The following CMC2 variants were observed in gnomAD, a reference collection of about 807,000 sequenced individuals.
CMC2 encodes COX assembly mitochondrial protein 2 homolog.
In CMC2, 5 loss-of-function variants were observed where a neutral mutation model predicts 7.5. That is an observed-to-expected ratio of 0.66 (90% CI 0.35 to 1.40). CMC2 has a LOEUF of 1.40. CMC2 is among the 40% of genes most tolerant of loss of function. The pLI, the probability that CMC2 is intolerant of heterozygous loss-of-function variation, is 0.04. For missense variants in CMC2, 115 were observed against 92.3 expected (o/e 1.25, Z -1.01); for synonymous variants, 37 against 31.4 (o/e 1.18, Z -0.60).
intron 1 of CMC2, among the ~76,000 whole-genome samples, chr16:81,005,779 T>C (rs1266134051): frequency 2.6e-5 from 4 of 152,198 alleles, no homozygotes; most frequent in African/African-American, 9.7e-5. Context: ...TTACCAGGAC[T>C]TACAAGGTGC....
In CMC2 at chr16:80,971,945, T is replaced by C. The variant is rs969560438; in HGVS notation, c.*4148A>G. On this transcript the variant is annotated 3_prime_UTR_variant, in exon 4 of 4. Coordinates refer to ENST00000219400, the MANE Select transcript of CMC2 (RefSeq NM_020188.5). ...GTATACACTCAGCCAGTTTCTTTTC[T>C]CTAAGTGAGAGAAACTCAGCCACCT... is the stretch of plus-strand genomic sequence containing the variant. 2 of 152,220 alleles carry C rather than the reference T, an allele frequency of 1.3e-5. No individual in the cohort carries two copies. The highest frequency in any genetic ancestry group is 4.8e-5 in the African/African-American group (2 of 41,446). 9.4% of individuals were successfully genotyped at this position (152,220 alleles called of 1,614,324 possible).
At chr16:80,989,526 G>T (rs182032243) in intron 2 of CMC2, among the ~76,000 whole-genome samples, 1 of 152,278 alleles carries the variant, frequency 6.6e-6, no homozygotes, top group South Asian at 2.1e-4. Context: ...AGATGTTGCA[G>T]GTTCTTCTTG....
intron 2 of CMC2, among the ~76,000 whole-genome samples, chr16:80,988,910 G>C (rs1197631701): frequency 6.6e-6 from 1 of 151,980 alleles, no homozygotes; most frequent in Non-Finnish European, 1.5e-5. Context: ...AAAGAGTACA[G>C]GCCAGTTATT....
chr16:80,995,907 T>C (rs1247308737), intron 2 of CMC2, among the ~76,000 whole-genome samples: 11 of 152,102 alleles, frequency 7.2e-5, no homozygotes, highest in Admixed American at 7.2e-4. Context: ...TGCATTTCCT[T>C]ACATGTAAAT....
At chr16:80,977,781 G>A (rs1223132443) in intron 3 of CMC2, among the ~76,000 whole-genome samples, 1 of 152,132 alleles carries the variant, frequency 6.6e-6, no homozygotes, top group Non-Finnish European at 1.5e-5. Context: ...TTGTCAAAAG[G>A]CTACTTCAGG....
intron 1 of CMC2, among the ~76,000 whole-genome samples, chr16:81,004,884 C>A (rs1320706257): frequency 1.3e-5 from 2 of 152,152 alleles, no homozygotes; most frequent in Non-Finnish European, 2.9e-5. Flanking sequence ...ATAAAGAAAA[C>A]GGGTAAGCAT....
chr16:80,996,944 C>A (rs34075739), intron 2 of CMC2: 1 of 423,658 alleles, frequency 2.4e-6, no homozygotes, highest in Admixed American at 3.1e-5. Context: ...GAATGGTAGC[C>A]ATCAAAGAGC....
At chr16:80,991,456 GA>G (rs1426406923) in intron 2 of CMC2, among the ~76,000 whole-genome samples, 1 of 152,068 alleles carries the variant, frequency 6.6e-6, no homozygotes, top group African/African-American at 2.4e-5. Context: ...GCAACATGGC[GA>G]AAACCCGTTC....
In CMC2 at chr16:80,981,878, C is replaced by G; in HGVS notation, c.82-1G>C. The G allele has an allele frequency of 6.2e-7, 1 of 1,602,164 alleles. No homozygotes were observed. Among genetic ancestry groups the G allele is most frequent in the South Asian group, 1.1e-5 (1 of 89,920 alleles). ...AACCAAAAAATTTCAGAATGTTGTG[C>G]TAAAAGGAAGAAAAGGAGTAAAATA... On this transcript the variant is annotated splice_acceptor_variant, in intron 2 of 3. Transcript: ENST00000219400. LOFTEE classifies it high-confidence loss of function.
In CMC2 at chr16:80,966,857, T is replaced by C. The variant is rs570736421; in HGVS notation, c.*9236A>G. 1.3e-3 allele frequency: 195 copies of C among 152,042 alleles called. 1 individual carries two copies. Among genetic ancestry groups the C allele is most frequent in the Middle Eastern group, 6.8e-3 (2 of 292 alleles). 9.4% of individuals were successfully genotyped at this position (152,042 alleles called of 1,614,324 possible). A position where few individuals can be genotyped will look rare whatever the true frequency, so the allele number is the denominator to read the frequency against. Reference sequence around the variant, plus strand: ...CACACGAAATCTTCATTCCTTTGTATAGATTCATGGTATACCTTTGTGTAA... The same window carrying C: ...CACACGAAATCTTCATTCCTTTGTACAGATTCATGGTATACCTTTGTGTAA... On this transcript the variant is annotated 3_prime_UTR_variant, in exon 4 of 4. Coordinates refer to ENST00000219400, the MANE Select transcript of CMC2 (RefSeq NM_020188.5).
intron 2 of CMC2, among the ~76,000 whole-genome samples, chr16:80,994,470 A>G (rs552717344): frequency 3.9e-5 from 6 of 152,078 alleles, no homozygotes; most frequent in Admixed American, 1.3e-4. Context: ...TTCACAATAC[A>G]CTTATCAAAG....
chr16:81,000,199 T>C (rs1968750059), intron 1 of CMC2, among the ~76,000 whole-genome samples: 1 of 152,086 alleles, frequency 6.6e-6, no homozygotes, highest in African/African-American at 2.4e-5. Context: ...AATAATCCCA[T>C]TAAAAAGTGG....
chr16:80,988,726 G>A (rs1215837719), intron 2 of CMC2: 7 of 538,046 alleles, frequency 1.3e-5, no homozygotes, highest in Non-Finnish European at 2.3e-5. Flanking sequence ...TATCATTCAT[G>A]CAAAAGGCAA....
chr16:80,998,193 CAA>C lies in CMC2; in HGVS notation c.-35-766_-35-765del, dbSNP rs1268963831. On this transcript the variant is annotated intron_variant, in intron 1 of 3. Coordinates refer to ENST00000219400, the MANE Select transcript of CMC2 (RefSeq NM_020188.5). ...TGTCCTCAAGTGATCCTCAGCCTCC[CAA>C]AGTGTTGGGACAGGCATGAGCTACC... 7 of 151,078 alleles carry C rather than the reference CAA, an allele frequency of 4.6e-5. No homozygotes were observed. In the Admixed American group the frequency reaches 4.6e-4, roughly 10 times the overall value. The allele number at this position is 151,078 out of a possible 1,614,324, so 9.4% of individuals were successfully genotyped here.
rs375645241 is a variant in CMC2 at position 81,000,395 on chromosome 16, C to T, written c.-35-2966G>A. ...CCTGTAGTCCCAGCTACTCGAGAGG[C>T]TGAGGAAGGAGAATCGCTTGAACCC... On this transcript the variant is annotated intron_variant, in intron 1 of 3. Coordinates refer to ENST00000219400, the MANE Select transcript of CMC2 (RefSeq NM_020188.5). 2.6e-5 allele frequency among the ~76,000 whole-genome samples: 4 copies of T among 152,278 alleles called. No individual in the cohort carries two copies. The East Asian group carries it at 7.7e-4, about 29-fold the overall frequency.
At chr16:80,978,479 G>C (rs1234861108) in intron 3 of CMC2, 1 of 888,226 alleles carries the variant, frequency 1.1e-6, no homozygotes, top group African/African-American at 1.9e-5. Context: ...AAACAATACA[G>C]ACAGAATGAA....
At chr16:81,005,425 A>AAAAT (rs1555519202) in intron 1 of CMC2, among the ~76,000 whole-genome samples, 1 of 149,360 alleles carries the variant, frequency 6.7e-6, no homozygotes, top group Non-Finnish European at 1.5e-5. Context: ...ATAAAATTTA[A>AAAAT]ATATATATAT....
intron 2 of CMC2, among the ~76,000 whole-genome samples, chr16:80,996,023 C>T (rs899754138): frequency 1.3e-5 from 2 of 151,560 alleles, no homozygotes; most frequent in African/African-American, 2.4e-5. Flanking sequence ...AAAACAACAA[C>T]GTTTAAATAG....
intron 1 of CMC2, chr16:81,001,166 T>C (rs1330976850): frequency 2.6e-5 from 4 of 152,100 alleles, no homozygotes; most frequent in Non-Finnish European, 5.9e-5. Context: ...GACATAAAGA[T>C]GGCAACAAAA....
Sources: allele counts gnomAD v4.1 joint callset (sites outside exome capture counted in the v4.1 genomes callset), GRCh38; gene constraint gnomAD v4.1.1; transcripts MANE v1.5; gene names NCBI Gene and HGNC (gene_info 2026-07-23, HGNC 2026-07-21).